The following HDAC9 variants were observed in gnomAD, a reference collection of about 807,000 sequenced individuals.
The protein encoded by HDAC9 is histone deacetylase 9.
HDAC9 carries 41 observed loss-of-function variants against 139.4 expected under a neutral mutation model. That is an observed-to-expected ratio of 0.29 (90% CI 0.23 to 0.38). HDAC9 has a LOEUF of 0.38. HDAC9 is among the 10% of genes least tolerant of loss of function. The pLI is 1.00. For synonymous variants in HDAC9, 517 were observed against 476.2 expected, an observed-to-expected ratio of 1.09 and a Z score of -1.12; for missense variants, 1,147 against 1,297.0, an observed-to-expected ratio of 0.88 and a Z score of 1.78.
chr7:18,600,163 T>C (rs1311383612), intron 6 of HDAC9, among the ~76,000 whole-genome samples: 1 of 152,112 alleles, frequency 6.6e-6, no homozygotes, highest in Non-Finnish European at 1.5e-5. Flanking sequence ...TTCTCATTGT[T>C]GAGATTTAAT....
chr7:18,690,929 C>G (rs973451197), intron 12 of HDAC9, among the ~76,000 whole-genome samples: 2 of 151,812 alleles, frequency 1.3e-5, no homozygotes, highest in African/African-American at 4.8e-5. Flanking sequence ...GATCATATAC[C>G]TTGCGATTAT....
At chr7:18,234,254 G>T (rs1271005562) in intron 2 of HDAC9, among the ~76,000 whole-genome samples, 1 of 152,168 alleles carries the variant, frequency 6.6e-6, no homozygotes, top group Admixed American at 6.5e-5. Context: ...TCCCTCAAGG[G>T]TCTTAGGTGT....
chr7:18,721,288 C>A (rs531770013), intron 12 of HDAC9, among the ~76,000 whole-genome samples: 1 of 152,060 alleles, frequency 6.6e-6, no homozygotes, highest in African/African-American at 2.4e-5. Flanking sequence ...CATTCCTTCC[C>A]TTCTGAATTT....
chr7:18,454,780 G>T (rs1336866183), intron 1 of HDAC9, among the ~76,000 whole-genome samples: 1 of 151,968 alleles, frequency 6.6e-6, no homozygotes, highest in Non-Finnish European at 1.5e-5. Context: ...CCAATTATAT[G>T]AATTTTATTT....
intron 1 of HDAC9, among the ~76,000 whole-genome samples, chr7:18,460,788 C>CAA (rs750144894): frequency 1.6e-3 from 70 of 44,776 alleles, no homozygotes; most frequent in Non-Finnish European, 2.1e-3. Context: ...AACTCTGTCT[C>CAA]AAAAAAAAAA....
At chr7:18,980,107 T>C (rs935114130) in intron 25 of HDAC9, among the ~76,000 whole-genome samples, 1 of 152,156 alleles carries the variant, frequency 6.6e-6, no homozygotes, top group African/African-American at 2.4e-5. Context: ...TTCATTTATC[T>C]TTCCTCCTCT....
chr7:18,157,037 G>C (rs946565869), intron 1 of HDAC9, among the ~76,000 whole-genome samples: 2 of 152,206 alleles, frequency 1.3e-5, no homozygotes, highest in Non-Finnish European at 2.9e-5. Flanking sequence ...GCAGTGAGCT[G>C]TGATCACGTG....
At chr7:18,458,778 G>T in intron 1 of HDAC9, 1 of 1,081,356 alleles carries the variant, frequency 9.2e-7, no homozygotes, top group Non-Finnish European at 1.4e-6. Flanking sequence ...GGTGGCTCTT[G>T]CTTGTCACTC....
intron 2 of HDAC9, among the ~76,000 whole-genome samples, chr7:18,175,165 G>T (rs766905546): frequency 6.6e-6 from 1 of 152,142 alleles, no homozygotes; most frequent in African/African-American, 2.4e-5. Context: ...CAGCAGTGGC[G>T]GACACCCCTC....
At position 18,266,061 on chromosome 7, in the gene HDAC9, T is replaced by C. The variant is rs1014758618; in HGVS notation, c.25+103712T>C. Among the ~76,000 whole-genome samples, 3 of 152,310 alleles carry C rather than the reference T, an allele frequency of 2.0e-5. No homozygotes were observed. The East Asian group carries it at 5.8e-4, about 29-fold the overall frequency. ...CTATCTTGCACTTTGAATGGGCTTT[T>C]TAACCATGCTTGATATTGCATCACT... On this transcript the variant is annotated intron_variant, in intron 2 of 12. Coordinates refer to the HDAC9 transcript ENST00000417496.
At chr7:18,412,911 A>C (rs1421450244) in intron 1 of HDAC9, among the ~76,000 whole-genome samples, 1 of 152,198 alleles carries the variant, frequency 6.6e-6, no homozygotes, top group Admixed American at 6.5e-5. Context: ...ATGAATATTG[A>C]TTTTAAAAAC....
intron 22 of HDAC9, among the ~76,000 whole-genome samples, chr7:18,896,662 A>G (rs992188995): frequency 1.3e-5 from 2 of 152,140 alleles, no homozygotes; most frequent in Non-Finnish European, 2.9e-5. Flanking sequence ...ACTCCATGCC[A>G]GACTAAATAA....
chr7:18,690,863 A>C (rs1782624627), intron 12 of HDAC9, among the ~76,000 whole-genome samples: 1 of 152,012 alleles, frequency 6.6e-6, no homozygotes. Context: ...GAGTTGCTTA[A>C]TGTCCTTTAT....
intron 16 of HDAC9, among the ~76,000 whole-genome samples, chr7:18,777,539 G>T (rs1186020092): frequency 6.6e-6 from 1 of 151,884 alleles, no homozygotes; most frequent in African/African-American, 2.4e-5. Flanking sequence ...GCCCAGTTTC[G>T]TGTTGTATTT....
chr7:18,995,846 GT>G (rs1295769652), intron 25 of HDAC9, among the ~76,000 whole-genome samples, 176 bp from the exon 26 acceptor site: 1 of 152,076 alleles, frequency 6.6e-6, no homozygotes, highest in Admixed American at 6.6e-5. Context: ...GATCGAAAAT[GT>G]TTTTCCCCTT....
intron 24 of HDAC9, among the ~76,000 whole-genome samples, chr7:18,965,736 G>A (rs1368893676): frequency 2.6e-5 from 4 of 152,204 alleles, no homozygotes; most frequent in Non-Finnish European, 5.9e-5. Context: ...AACAGTTATT[G>A]CCTGAATACT....
chr7:18,988,428 T>C (rs1253794869), intron 25 of HDAC9, among the ~76,000 whole-genome samples: 7 of 151,694 alleles, frequency 4.6e-5, no homozygotes, highest in African/African-American at 1.5e-4. Flanking sequence ...GTCTGAGAGA[T>C]AGTTTGTTAT....
intron 1 of HDAC9, among the ~76,000 whole-genome samples, chr7:18,359,956 AT>A (rs1438320239): frequency 1.3e-5 from 2 of 151,628 alleles, no homozygotes; most frequent in African/African-American, 4.8e-5. Flanking sequence ...CTTAACCCTC[AT>A]TTTCCTCTGC....
rs114685169 is a variant in HDAC9 at position 18,573,493 on chromosome 7, G to A, written c.23-11788G>A. 5.9e-3 allele frequency among the ~76,000 whole-genome samples: 894 copies of A among 152,312 alleles called. 12 individuals carry two copies. Among genetic ancestry groups the A allele is most frequent in the African/African-American group, 0.02 (851 of 41,572 alleles). On this transcript the variant is annotated intron_variant, in intron 2 of 25. Transcript: ENST00000686413. The stretch of plus-strand genomic sequence containing the variant: ...AGGTGGTGCCTTCTGCCTGAGTATT[G>A]CTAGTGCCCGTTTCTTTCCACCCAC...
Sources: gnomAD v4.1 joint callset for allele counts (sites outside exome capture counted in the v4.1 genomes callset) on GRCh38, gnomAD v4.1.1 for gene constraint, MANE v1.5 for transcripts, NCBI Gene and HGNC (gene_info 2026-07-23, HGNC 2026-07-21) for gene names.